Variants in TAFA1 observed in about 807,000 individuals in gnomAD.
TAFA1 encodes chemokine-like protein TAFA-1.
TAFA1 carries 4 observed loss-of-function variants against 18.5 expected under a neutral mutation model. The observed-to-expected ratio is 0.22, with a 90% CI of 0.11 to 0.49. The LOEUF is 0.49. Among genes scored for constraint, TAFA1 ranks in the 20% least tolerant of loss-of-function variants. TAFA1 has a pLI of 0.98. For synonymous variants in TAFA1, 56 were observed against 55.2 expected (o/e 1.01, Z -0.06); for missense variants, 147 against 169.0 (o/e 0.87, Z 0.72).
intron 2 of TAFA1, among the ~76,000 whole-genome samples, chr3:68,408,891 A>G (rs1469950958): frequency 6.6e-6 from 1 of 152,152 alleles, no homozygotes; most frequent in African/African-American, 2.4e-5. Context: ...TTCAACAACT[A>G]TTTACATACC....
At chr3:68,265,724 C>T (rs1205810534) in intron 2 of TAFA1, among the ~76,000 whole-genome samples, 1 of 152,142 alleles carries the variant, frequency 6.6e-6, no homozygotes, top group African/African-American at 2.4e-5. Flanking sequence ...GCGCAAGATA[C>T]TCAGATCCGT....
intron 3 of TAFA1, among the ~76,000 whole-genome samples, chr3:68,445,140 A>G (rs2071453762): frequency 6.6e-6 from 1 of 152,184 alleles, no homozygotes; most frequent in African/African-American, 2.4e-5. Context: ...GACATTTCAT[A>G]CATTATAAAC....
At chr3:68,076,495 C>T (rs1484646436) in intron 2 of TAFA1, among the ~76,000 whole-genome samples, 1 of 120,810 alleles carries the variant, frequency 8.3e-6, no homozygotes, top group Non-Finnish European at 1.6e-5. Context: ...GTGTGATATT[C>T]CCCTTCCTGT....
chr3:68,440,374 G>A (rs553555790), intron 3 of TAFA1, among the ~76,000 whole-genome samples: 1 of 152,250 alleles, frequency 6.6e-6, no homozygotes, highest in Admixed American at 6.5e-5. Context: ...CATGAAAATG[G>A]ACTAATACAG....
intron 2 of TAFA1, among the ~76,000 whole-genome samples, chr3:68,127,840 A>T (rs1164150349): frequency 7.6e-6 from 1 of 132,438 alleles, no homozygotes; most frequent in East Asian, 2.3e-4. Flanking sequence ...GGTGATGCTG[A>T]TAGCAGTGGT....
intron 2 of TAFA1, among the ~76,000 whole-genome samples, chr3:68,156,394 G>A (rs571978312): frequency 4.6e-5 from 7 of 152,300 alleles, no homozygotes; most frequent in African/African-American, 1.7e-4. Flanking sequence ...AAATCAGGTA[G>A]ATGTTCTTGT....
chr3:68,102,241 G>A lies in TAFA1; in HGVS notation c.118+95497G>A, dbSNP rs1052948474. 7.2e-5 allele frequency among the ~76,000 whole-genome samples: 11 copies of A among 152,176 alleles called. No individual in the cohort carries two copies. The East Asian group carries it at 1.9e-3, about 27-fold the overall frequency. On this transcript the variant is annotated intron_variant, in intron 2 of 4. Coordinates refer to ENST00000478136, the MANE Select transcript of TAFA1 (RefSeq NM_213609.4). ...TGTGAGGCCGATGGCATCTCTTAAC[G>A]TTTAAAAGTCTGTTAACTCTCCTAC...
chr3:68,139,419 C>A (rs533236486), intron 2 of TAFA1, among the ~76,000 whole-genome samples: 1 of 152,126 alleles, frequency 6.6e-6, no homozygotes, highest in African/African-American at 2.4e-5. Flanking sequence ...GTATAATTTC[C>A]CAAGAATTCA....
chr3:68,443,620 C>A (rs906528622), intron 3 of TAFA1, among the ~76,000 whole-genome samples: 25 of 152,006 alleles, frequency 1.6e-4, no homozygotes, highest in Non-Finnish European at 1.5e-5. Context: ...TGCAGGGGCT[C>A]TCATTTTTAA....
intron 2 of TAFA1, among the ~76,000 whole-genome samples, chr3:68,338,887 C>T (rs928891060): frequency 3.3e-5 from 5 of 152,140 alleles, no homozygotes; most frequent in African/African-American, 4.8e-5. Flanking sequence ...GGCTTGGATT[C>T]GTGCTGTAGA....
chr3:68,362,860 G>T (rs1442723037), intron 2 of TAFA1, among the ~76,000 whole-genome samples: 1 of 151,368 alleles, frequency 6.6e-6, no homozygotes, highest in African/African-American at 2.4e-5. Context: ...TAAATGTGGG[G>T]CATGTCATAG....
chr3:68,373,968 G>A (rs992360017), intron 2 of TAFA1, among the ~76,000 whole-genome samples: 1 of 152,092 alleles, frequency 6.6e-6, no homozygotes, highest in Non-Finnish European at 1.5e-5. Context: ...AAACTCACTT[G>A]GGCAAGAATA....
intron 2 of TAFA1, among the ~76,000 whole-genome samples, chr3:68,058,658 C>A (rs1011138257): frequency 4.5e-4 from 68 of 152,252 alleles, no homozygotes; most frequent in African/African-American, 1.5e-3. Context: ...AAAAAATGTT[C>A]TTAAAACGAT....
At chr3:68,505,266 T>C (rs2072727704) in intron 3 of TAFA1, among the ~76,000 whole-genome samples, 1 of 152,180 alleles carries the variant, frequency 6.6e-6, no homozygotes, top group South Asian at 2.1e-4. Flanking sequence ...TCACATATGA[T>C]GCAAGCTGTA....
At chr3:68,346,075 T>C (rs2069159912) in intron 2 of TAFA1, among the ~76,000 whole-genome samples, 1 of 152,190 alleles carries the variant, frequency 6.6e-6, no homozygotes. Flanking sequence ...ATTTGTCTAA[T>C]TGAGAAGCCA....
At chr3:68,411,489 T>G (rs2070716661) in intron 2 of TAFA1, among the ~76,000 whole-genome samples, 1 of 152,200 alleles carries the variant, frequency 6.6e-6, no homozygotes, top group Non-Finnish European at 1.5e-5. Context: ...GAAAGTATAT[T>G]ATGTAAAAGC....
intron 2 of TAFA1, among the ~76,000 whole-genome samples, chr3:68,284,071 A>G (rs190235681): frequency 6.6e-6 from 1 of 152,184 alleles, no homozygotes; most frequent in Non-Finnish European, 1.5e-5. Context: ...ATCTGTGTAG[A>G]TACCCACCTT....
intron 2 of TAFA1, among the ~76,000 whole-genome samples, chr3:68,184,376 A>G (rs1192706183): frequency 6.6e-6 from 1 of 152,168 alleles, no homozygotes; most frequent in Non-Finnish European, 1.5e-5. Flanking sequence ...GGCTTAGAAA[A>G]TTATTAGAGT....
chr3:68,408,038 A>T (rs1393558786), intron 2 of TAFA1, among the ~76,000 whole-genome samples: 4 of 152,170 alleles, frequency 2.6e-5, no homozygotes, highest in Non-Finnish European at 5.9e-5. Flanking sequence ...TGCATTTCTG[A>T]CATCCACTAT....
Sources: gnomAD v4.1 joint callset for allele counts (sites outside exome capture counted in the v4.1 genomes callset) on GRCh38, gnomAD v4.1.1 for gene constraint, MANE v1.5 for transcripts, NCBI Gene and HGNC (gene_info 2026-07-23, HGNC 2026-07-21) for gene names.